SCAF8: variants seen among roughly 807,000 people sequenced by gnomAD.
SCAF8 encodes SR-related CTD associated factor 8, also known as SR-related and CTD-associated factor 8.
Under a neutral mutation model 140.5 loss-of-function variants are expected in SCAF8, and 23 were observed. The ratio of observed to expected loss-of-function variants is 0.16; its 90% CI spans 0.12 to 0.23. The LOEUF is 0.23. Among genes scored for constraint, SCAF8 ranks in the 10% least tolerant of loss-of-function variants. The pLI is 1.00. For missense variants in SCAF8, 1,397 were observed against 1,555.7 expected, an observed-to-expected ratio of 0.90 and a Z score of 1.72; for synonymous variants, 575 against 528.9, an observed-to-expected ratio of 1.09 and a Z score of -1.20.
intron 1 of SCAF8, among the ~76,000 whole-genome samples, chr6:154,739,160 A>AT (rs1286741554): frequency 1.3e-5 from 2 of 151,988 alleles, no homozygotes; most frequent in South Asian, 2.1e-4. Flanking sequence ...TAATTTTTAA[A>AT]TTTTTTGTAG....
chr6:154,803,896 A>G (rs983768652), intron 8 of SCAF8, among the ~76,000 whole-genome samples: 1 of 152,170 alleles, frequency 6.6e-6, no homozygotes, highest in Non-Finnish European at 1.5e-5. Context: ...TTAGGCTTTA[A>G]GTTATTTAAC....
intron 17 of SCAF8, among the ~76,000 whole-genome samples, chr6:154,826,077 A>G (rs1322840796): frequency 2.6e-5 from 4 of 152,334 alleles, no homozygotes; most frequent in Middle Eastern, 3.4e-3. Context: ...TAGCAAGACT[A>G]AAAAATAAAT....
chr6:154,791,973 CTGCTTGCCAGTGGCA>C, intron 4 of SCAF8, among the ~76,000 whole-genome samples: 1 of 151,968 alleles, frequency 6.6e-6, no homozygotes, highest in African/African-American at 2.4e-5. Context: ...TGTCAAAAGT[CTGCTTGCCAGTGGCA>C]AGCAGGTTTT....
intron 1 of SCAF8, among the ~76,000 whole-genome samples, chr6:154,765,954 C>G (rs1289908143): frequency 6.6e-6 from 1 of 152,094 alleles, no homozygotes; most frequent in Non-Finnish European, 1.5e-5. Flanking sequence ...TAACTTTTGA[C>G]TCTTCCCCAA....
intron 1 of SCAF8, among the ~76,000 whole-genome samples, chr6:154,757,337 A>C (rs1778992025): frequency 6.6e-6 from 1 of 152,222 alleles, no homozygotes; most frequent in African/African-American, 2.4e-5. Flanking sequence ...GCATAGGATT[A>C]TAGATACATG....
At chr6:154,802,992 ATC>A (rs1287737280) in intron 7 of SCAF8, among the ~76,000 whole-genome samples, 2 of 151,580 alleles carry the variant, frequency 1.3e-5, no homozygotes, top group East Asian at 3.8e-4. Context: ...TTATGGGAAT[ATC>A]ATACTACTTG....
intron 1 of SCAF8, among the ~76,000 whole-genome samples, chr6:154,737,044 T>A (rs1778441800): frequency 6.6e-6 from 1 of 152,244 alleles, no homozygotes; most frequent in African/African-American, 2.4e-5. Context: ...GTTGTAATAT[T>A]TGCTGATGTG....
intron 1 of SCAF8, among the ~76,000 whole-genome samples, chr6:154,768,409 TAGAG>T (rs1776644055): frequency 6.6e-6 from 1 of 152,232 alleles, no homozygotes; most frequent in African/African-American, 2.4e-5. Flanking sequence ...TGCAATTTAT[TAGAG>T]AGATGAACTG....
chr6:154,740,733 C>T (rs1778548425), intron 1 of SCAF8, among the ~76,000 whole-genome samples: 1 of 151,766 alleles, frequency 6.6e-6, no homozygotes, highest in Non-Finnish European at 1.5e-5. Flanking sequence ...ATTCTCCCAC[C>T]TCAGCCTCCT....
At position 154,733,689 on chromosome 6, in the gene SCAF8, C is replaced by T. The variant is rs1778324480; in HGVS notation, c.-212C>T. ...GTTCCCTAGAACGGCGCTCCCCCCG[C>T]CCTAGCGGCCATGCCGGTGCCGCTC... On this transcript the variant is annotated 5_prime_UTR_variant, in exon 1 of 20. Transcript: ENST00000367178. 31 of 1,311,648 alleles carry T rather than the reference C, an allele frequency of 2.4e-5. 1 individual carries two copies. The highest frequency in any genetic ancestry group is 3.0e-5 in the Non-Finnish European group (31 of 1,034,304). 81.3% of individuals were successfully genotyped at this position (1,311,648 alleles called of 1,614,324 possible). A position where few individuals can be genotyped will look rare whatever the true frequency, so the allele number is the denominator to read the frequency against.
rs748982505 is a variant in SCAF8 at position 154,820,166 on chromosome 6, A to G, written c.1636-11A>G. On this transcript the variant is annotated splice_polypyrimidine_tract_variant and intron_variant, in intron 14 of 19. Transcript: ENST00000367178. ...ATAACCTTTCTTTTTTCCTCTTCCC[A>G]TTTACAATAGATCGCTTGGGCTTTA... 3 of 1,570,590 alleles carry G rather than the reference A, an allele frequency of 1.9e-6. No homozygotes were observed. The highest frequency in any genetic ancestry group is 1.2e-5 in the South Asian group (1 of 82,018).
chr6:154,764,460 A>T (rs770016732), intron 1 of SCAF8, among the ~76,000 whole-genome samples: 21 of 152,206 alleles, frequency 1.4e-4, no homozygotes, highest in African/African-American at 1.9e-4. Flanking sequence ...ATTAGATAAT[A>T]TTAGAACATG....
chr6:154,742,452 A>G (rs1351914421), intron 1 of SCAF8, among the ~76,000 whole-genome samples: 1 of 152,230 alleles, frequency 6.6e-6, no homozygotes, highest in Non-Finnish European at 1.5e-5. Flanking sequence ...TTTTCTAATT[A>G]TAGAGGCAGC....
At chr6:154,790,660 A>G (rs531965201) in intron 4 of SCAF8, among the ~76,000 whole-genome samples, 109 of 151,364 alleles carry the variant, frequency 7.2e-4, no homozygotes, top group South Asian at 3.1e-3. Context: ...ACAGGCGCCC[A>G]CCACCACGCC....
chr6:154,783,894 A>G (rs561169748), intron 3 of SCAF8, among the ~76,000 whole-genome samples: 27 of 151,832 alleles, frequency 1.8e-4, no homozygotes, highest in African/African-American at 6.3e-4. Flanking sequence ...AAATGGTGAA[A>G]TCCCGTCTCT....
At chr6:154,784,837 C>T (rs775685880) in intron 3 of SCAF8, among the ~76,000 whole-genome samples, 3 of 152,144 alleles carry the variant, frequency 2.0e-5, no homozygotes, top group Non-Finnish European at 4.4e-5. Context: ...TTTCTATGTA[C>T]ATCTGTAGAA....
At chr6:154,772,824 A>G (rs896127286) in intron 1 of SCAF8, among the ~76,000 whole-genome samples, 2 of 151,946 alleles carry the variant, frequency 1.3e-5, no homozygotes, top group African/African-American at 2.4e-5. Flanking sequence ...TAGTAGTGCA[A>G]TCTCTGCTCA....
Position 154,831,143 on chromosome 6 carries a change from A to AAAT in SCAF8, c.2359+15_2359+17dup. 5.3e-6 allele frequency: 8 copies of AAAT among 1,498,180 alleles called. No homozygotes were observed. The highest frequency in any genetic ancestry group is 7.3e-6 in the Non-Finnish European group (8 of 1,102,770). 92.8% of individuals were successfully genotyped at this position (1,498,180 alleles called of 1,614,324 possible). Reference sequence around the variant, plus strand: ...TTCTGGTGAAAACACCAGATCAGGTAAATAATAATAATAAAATTTAAAAAA... The same window carrying AAAT: ...TTCTGGTGAAAACACCAGATCAGGTAAATAATAATAATAATAAAATTTAAAAAA... On this transcript the variant is annotated splice_donor_region_variant and intron_variant, in intron 19 of 19. Transcript: ENST00000367178.
intron 1 of SCAF8, among the ~76,000 whole-genome samples, chr6:154,752,669 G>GGAA (rs1778866982): frequency 1.3e-5 from 2 of 152,218 alleles, no homozygotes; most frequent in South Asian, 2.1e-4. Context: ...TTCAAGTTGG[G>GGAA]GAAATAGTTG....
Sources: allele counts gnomAD v4.1 joint callset (sites outside exome capture counted in the v4.1 genomes callset), GRCh38; gene constraint gnomAD v4.1.1; transcripts MANE v1.5; gene names NCBI Gene and HGNC (gene_info 2026-07-23, HGNC 2026-07-21).